Variants in CFAP69 observed in about 807,000 individuals in gnomAD.
CFAP69 encodes cilia and flagella associated protein 69.
Under a neutral mutation model 123.0 loss-of-function variants are expected in CFAP69, and 92 were observed. The observed-to-expected ratio is 0.75, with a 90% CI of 0.63 to 0.89. The LOEUF is 0.89. Among genes scored for constraint, CFAP69 ranks in the 40% least tolerant of loss-of-function variants. The probability of loss-of-function intolerance (pLI) is 0.00; values close to 1 mark genes in which losing one functional copy is unlikely to be tolerated. For missense variants in CFAP69, 1,067 were observed against 1,096.9 expected (o/e 0.97, Z 0.39); for synonymous variants, 380 against 364.3 (o/e 1.04, Z -0.49).
chr7:90,257,991 A>C (rs1246740239), intron 2 of CFAP69, 107 bp from the exon 3 acceptor site: 4 of 696,436 alleles, frequency 5.7e-6, no homozygotes, highest in South Asian at 5.4e-5. Flanking sequence ...ATAGTAATTT[A>C]AGAATTACTT....
At chr7:90,256,053 A>C (rs900028457) in intron 2 of CFAP69, among the ~76,000 whole-genome samples, 1 of 152,204 alleles carries the variant, frequency 6.6e-6, no homozygotes, top group Non-Finnish European at 1.5e-5. Context: ...CCTAAAAGCC[A>C]GCACACGCTA....
At chr7:90,319,002 C>T in the CFAP69 span, 1 of 167,650 alleles carries the variant, frequency 6.0e-6, no homozygotes, top group Admixed American at 6.4e-5. Context: ...AAATTAATTT[C>T]AAAAGCCTAA....
chr7:90,288,270 C>T lies in CFAP69; in HGVS notation c.1693C>T (p.His565Tyr), dbSNP rs749556659. The change falls in exon 15 of 23, where the codon CAT becomes TAT. Residue 565 changes from histidine to tyrosine, a missense_variant. Physicochemically the swap from His to Tyr is moderately conservative, Grantham distance 83. Coordinates refer to ENST00000389297, the MANE Select transcript of CFAP69 (RefSeq NM_001039706.3). The part of the protein sequence containing the change: ...FGTEGVDIVL[H>Y]VMKTDPRKLQ... ...AACTGAAGGAGTAGATATCGTTCTTCATGTGATGAAAACAGACCCCAGGAA... is the reference window on the plus strand; with the variant it reads ...AACTGAAGGAGTAGATATCGTTCTTTATGTGATGAAAACAGACCCCAGGAA... 13 of 1,611,484 alleles carry T rather than the reference C, an allele frequency of 8.1e-6. No individual in the cohort carries two copies. The highest frequency in any genetic ancestry group is 1.1e-5 in the Non-Finnish European group (13 of 1,178,230).
downstream of CFAP69, chr7:90,311,099 G>C (rs1023876153): frequency 1.3e-5 from 2 of 152,182 alleles, no homozygotes; most frequent in African/African-American, 4.8e-5. Context: ...AGGGAAAGGT[G>C]TAATGGGGGA....
At chr7:90,279,984 A>G in intron 12 of CFAP69, 91 bp downstream of exon 12, 1 of 961,358 alleles carries the variant, frequency 1.0e-6, no homozygotes, top group African/African-American at 1.7e-5. Context: ...AATGAAGTTA[A>G]TTAAAGCAAT....
chr7:90,283,160 G>T lies in CFAP69; in HGVS notation c.1537+104G>T, dbSNP rs11563912. 7.8e-5 allele frequency: 62 copies of T among 799,704 alleles called. No individual in the cohort carries two copies. In the African/African-American group the frequency reaches 8.5e-4, roughly 11 times the overall value. 49.5% of individuals were successfully genotyped at this position (799,704 alleles called of 1,614,324 possible). On this transcript the variant is annotated intron_variant, in intron 13 of 22. Coordinates refer to ENST00000389297, the MANE Select transcript of CFAP69 (RefSeq NM_001039706.3). ...AAATTTATTTTGTCTTTATGACTGA[G>T]AAATTCCTGAATATTTTCTTGATTT... is the stretch of plus-strand genomic sequence containing the variant.
At chr7:90,268,448 C>G (rs1452097780) in intron 6 of CFAP69, 64 bp downstream of exon 6, 1 of 1,234,564 alleles carries the variant, frequency 8.1e-7, no homozygotes, top group Middle Eastern at 1.9e-4. Flanking sequence ...ATTCTCATAT[C>G]TCTTTGAATT....
intron 5 of CFAP69, among the ~76,000 whole-genome samples, chr7:90,266,929 A>T (rs1471454770): frequency 6.6e-6 from 1 of 152,186 alleles, no homozygotes; most frequent in Non-Finnish European, 1.5e-5. Context: ...CTGGAAATGG[A>T]TGGGGGAAGA....
chr7:90,274,267 ATTC>A (rs913246684), intron 9 of CFAP69, among the ~76,000 whole-genome samples, 157 bp downstream of exon 9: 2 of 152,156 alleles, frequency 1.3e-5, no homozygotes, highest in Admixed American at 1.3e-4. Flanking sequence ...CACTCTGCCA[ATTC>A]TTCTTTGCAA....
intron 15 of CFAP69, among the ~76,000 whole-genome samples, chr7:90,293,405 C>G (rs1244354512): frequency 6.6e-6 from 1 of 152,116 alleles, no homozygotes; most frequent in Non-Finnish European, 1.5e-5. Flanking sequence ...CAAGAAAAAC[C>G]TGTTGTCATT....
At chr7:90,264,091 GAA>G (rs1165222104) in intron 4 of CFAP69, among the ~76,000 whole-genome samples, 86 of 17,974 alleles carry the variant, frequency 4.8e-3, no homozygotes, top group Non-Finnish European at 6.0e-3. Context: ...ACTCCATCTC[GAA>G]AAAAAAAAAA....
intron 15 of CFAP69, among the ~76,000 whole-genome samples, chr7:90,296,471 G>T (rs1791991725): frequency 1.3e-5 from 2 of 152,018 alleles, no homozygotes; most frequent in African/African-American, 4.8e-5. Flanking sequence ...GGGATTACAG[G>T]CGCCCACCAC....
rs1793299158 is a variant in CFAP69 at position 90,304,658 on chromosome 7, GATA to G, written c.2189-85_2189-83del. On this transcript the variant is annotated intron_variant, in intron 18 of 22. Coordinates refer to ENST00000389297, the MANE Select transcript of CFAP69 (RefSeq NM_001039706.3). ...TTTTAGATAGGTAGATAGATAGATA[GATA>G]GATAGATAGATAGATAGATAGATAG... 9 of 907,904 alleles carry G rather than the reference GATA, an allele frequency of 9.9e-6. No homozygotes were observed. The Admixed American group carries it at 5.3e-4, about 53-fold the overall frequency. The allele number at this position is 907,904 out of a possible 1,614,324, so 56.2% of individuals were successfully genotyped here.
chr7:90,315,469 G>A (rs1490054266), downstream of CFAP69, among the ~76,000 whole-genome samples: 1 of 152,188 alleles, frequency 6.6e-6, no homozygotes, highest in Non-Finnish European at 1.5e-5. Flanking sequence ...GGATGGAGGT[G>A]GAGGCCATTA....
chr7:90,299,960 G>C lies in CFAP69; in HGVS notation c.1951G>C (p.Gly651Arg). The C allele has an allele frequency of 6.2e-7, 1 of 1,612,240 alleles. No individual in the cohort carries two copies. The highest frequency in any genetic ancestry group is 1.7e-4 in the Middle Eastern group (1 of 6,050). ...TGCAGCTCATGTCAATGCTTGGCAA[G>C]GGAAGAAGGATCAGACAGCTGCTAG... The part of the protein sequence containing the change: ...KTAAHVNAWQ[G>R]KKDQTAASLL... The change falls in exon 17 of 23, where the codon GGG (glycine) becomes CGG (arginine). Residue 651 changes from glycine to arginine, a missense_variant. Physicochemically the swap from Gly to Arg is moderately radical, Grantham distance 125. Coordinates refer to ENST00000389297, the MANE Select transcript of CFAP69 (RefSeq NM_001039706.3).
intron 6 of CFAP69, among the ~76,000 whole-genome samples, chr7:90,269,138 C>CA (rs1305422231): frequency 2.8e-5 from 4 of 144,796 alleles, no homozygotes; most frequent in Admixed American, 1.4e-4. Context: ...AAAAGTAAAA[C>CA]AAAAAAATGG....
intron 1 of CFAP69, among the ~76,000 whole-genome samples, chr7:90,249,654 T>C (rs1385589384): frequency 6.6e-6 from 1 of 152,180 alleles, no homozygotes; most frequent in Middle Eastern, 3.2e-3. Flanking sequence ...TATTTAGTTT[T>C]GTTCCCCTCA....
intron 5 of CFAP69, 33 bp from the exon 6 acceptor site, chr7:90,268,253 T>C (rs1389280747): frequency 1.5e-6 from 2 of 1,367,170 alleles, no homozygotes; most frequent in Admixed American, 3.7e-5. Context: ...TATGACAGTG[T>C]TGTTAAATAG....
chr7:90,306,990 T>C lies in CFAP69; in HGVS notation c.2355T>C (p.Ile785=). 1.2e-6 allele frequency: 2 copies of C among 1,611,524 alleles called. No individual in the cohort carries two copies. Residue 785 remains isoleucine, a synonymous_variant, in exon 20 of 23, where the codon ATT becomes ATC. Transcript: ENST00000389297. ...VTTDKKALEA[I]TTASENIGKM... is the part of the protein sequence containing the mutation. ...CAGATAAAAAAGCTTTGGAAGCTAT[T>C]ACAACAGCATCAGAAAATATTGGAA...
Sources: gnomAD v4.1 joint callset for allele counts (sites outside exome capture counted in the v4.1 genomes callset) on GRCh38, gnomAD v4.1.1 for gene constraint, MANE v1.5 for transcripts, NCBI Gene and HGNC (gene_info 2026-07-23, HGNC 2026-07-21) for gene names.